The following CHN1 variants were observed in gnomAD, a reference collection of about 807,000 sequenced individuals.
The protein encoded by CHN1 is N-chimaerin.
A neutral mutation model predicts 59.5 loss-of-function variants in CHN1; 37 were observed. The observed-to-expected ratio is 0.62, with a 90% confidence interval of 0.48 to 0.82. CHN1 has a LOEUF of 0.82. Among genes scored for constraint, CHN1 ranks in the 40% least tolerant of loss-of-function variants. The pLI, the probability that CHN1 is intolerant of heterozygous loss-of-function variation, is 0.00. For synonymous variants in CHN1, 206 were observed against 200.4 expected (o/e 1.03, Z -0.24); for missense variants, 469 against 571.0 (o/e 0.82, Z 1.82).
intron 1 of CHN1, among the ~76,000 whole-genome samples, chr2:174,952,519 G>A (rs1023807809): frequency 6.6e-6 from 1 of 151,758 alleles, no homozygotes; most frequent in Non-Finnish European, 1.5e-5. Flanking sequence ...TGTTTCTTTG[G>A]GCTTAATGAT....
intron 6 of CHN1, chr2:174,875,774 T>C (rs1687547407): frequency 1.0e-6 from 1 of 977,686 alleles, no homozygotes; most frequent in Non-Finnish European, 1.2e-6. Context: ...TTAAACATGA[T>C]TGTCTTTACT....
chr2:174,914,249 G>C (rs1473147642), intron 5 of CHN1, among the ~76,000 whole-genome samples: 1 of 152,158 alleles, frequency 6.6e-6, no homozygotes, highest in Non-Finnish European at 1.5e-5. Flanking sequence ...TTGTATTATT[G>C]TTCTTACAAG....
chr2:174,901,812 A>T (rs1688396141), intron 5 of CHN1, among the ~76,000 whole-genome samples: 1 of 152,208 alleles, frequency 6.6e-6, no homozygotes. Flanking sequence ...CGTGGTAATA[A>T]AAACAAAGTT....
chr2:174,871,571 T>C (rs1484942049), intron 6 of CHN1, among the ~76,000 whole-genome samples: 1 of 152,184 alleles, frequency 6.6e-6, no homozygotes, highest in African/African-American at 2.4e-5. Context: ...CAGAATCTCA[T>C]ATTAATTTCT....
intron 3 of CHN1, among the ~76,000 whole-genome samples, chr2:174,923,416 A>G (rs1001368438): frequency 5.3e-5 from 8 of 152,226 alleles, no homozygotes; most frequent in African/African-American, 1.4e-4. Flanking sequence ...CTGGGATTAC[A>G]GGCGTGAGCC....
At chr2:174,851,284 C>G (rs1228419033) in intron 6 of CHN1, among the ~76,000 whole-genome samples, 3 of 151,980 alleles carry the variant, frequency 2.0e-5, no homozygotes, top group Non-Finnish European at 4.4e-5. Flanking sequence ...CTGATCCTGC[C>G]CATCCTTTTT....
intron 5 of CHN1, among the ~76,000 whole-genome samples, chr2:174,898,384 G>A (rs1375291388): frequency 1.3e-5 from 2 of 150,874 alleles, no homozygotes; most frequent in Admixed American, 6.6e-5. Flanking sequence ...GGCGGATCAC[G>A]AGGTCAGGAG....
intron 5 of CHN1, among the ~76,000 whole-genome samples, chr2:174,894,567 C>T (rs1688152842): frequency 6.9e-6 from 1 of 145,842 alleles, no homozygotes. Context: ...TATGGAGGTT[C>T]CTCACAAAAT....
chr2:174,975,656 A>C (rs1287529081), intron 1 of CHN1, among the ~76,000 whole-genome samples: 1 of 135,740 alleles, frequency 7.4e-6, no homozygotes, highest in African/African-American at 3.2e-5. Flanking sequence ...CAAAACAAAC[A>C]AAAAAAAAAA....
At chr2:174,996,575 G>C (rs181362892) in intron 1 of CHN1, among the ~76,000 whole-genome samples, 1 of 152,086 alleles carries the variant, frequency 6.6e-6, no homozygotes, top group Admixed American at 6.5e-5. Context: ...GCTGATCCTT[G>C]GCAGAGAAAG....
At chr2:174,892,290 G>C (rs897960079) in intron 5 of CHN1, among the ~76,000 whole-genome samples, 1 of 152,206 alleles carries the variant, frequency 6.6e-6, no homozygotes, top group Non-Finnish European at 1.5e-5. Flanking sequence ...CCAATGCAGT[G>C]GTATTAAGAG....
intron 5 of CHN1, among the ~76,000 whole-genome samples, chr2:174,882,260 C>G (rs952002016): frequency 2.6e-5 from 4 of 152,176 alleles, no homozygotes; most frequent in African/African-American, 9.6e-5. Flanking sequence ...ATGCCACTTT[C>G]TAGAAAGAAT....
chr2:174,820,971 C>T (rs1358179963), intron 8 of CHN1, among the ~76,000 whole-genome samples: 1 of 152,184 alleles, frequency 6.6e-6, no homozygotes, highest in African/African-American at 2.4e-5. Flanking sequence ...ACAAAGCAAG[C>T]TGTCTCAGGA....
intron 5 of CHN1, among the ~76,000 whole-genome samples, chr2:174,891,477 C>T (rs1274742697): frequency 3.4e-5 from 5 of 148,634 alleles, no homozygotes. Flanking sequence ...GGCTGAGGTA[C>T]AGAATTGCTC....
At position 174,882,485 on chromosome 2, in the gene CHN1, T is replaced by C. The variant is rs139496311; in HGVS notation, c.261-4357A>G. On this transcript the variant is annotated intron_variant, in intron 5 of 12. Coordinates refer to ENST00000409900, the MANE Select transcript of CHN1 (RefSeq NM_001822.7). ...GAAGAAAAAATGATGACAAAATATA[T>C]ACAGAATAGCTTTCGGAATTTTACT... Among the ~76,000 whole-genome samples the C allele has an allele frequency of 4.4e-3, 676 of 152,292 alleles. 6 individuals are homozygous for C. Among genetic ancestry groups the C allele is most frequent in the African/African-American group, 0.015 (636 of 41,570 alleles).
chr2:174,970,337 T>C (rs1481497907), intron 1 of CHN1, among the ~76,000 whole-genome samples: 1 of 152,188 alleles, frequency 6.6e-6, no homozygotes, highest in Non-Finnish European at 1.5e-5. Context: ...AAACTATGAC[T>C]AATCAGACTT....
intron 5 of CHN1, among the ~76,000 whole-genome samples, chr2:174,882,201 T>G (rs915080349): frequency 1.3e-5 from 2 of 152,230 alleles, no homozygotes; most frequent in Admixed American, 6.5e-5. Context: ...AGTGTTACTA[T>G]AGTAAACAAA....
At chr2:174,802,722 A>C (rs529585319) in intron 11 of CHN1, among the ~76,000 whole-genome samples, 17 of 152,180 alleles carry the variant, frequency 1.1e-4, no homozygotes, top group African/African-American at 4.1e-4. Context: ...TTCTACTCAA[A>C]GGTCAAAAGA....
At chr2:174,822,101 T>C (rs907790565) in intron 8 of CHN1, among the ~76,000 whole-genome samples, 2 of 152,222 alleles carry the variant, frequency 1.3e-5, no homozygotes, top group African/African-American at 4.8e-5. Flanking sequence ...ATATAATTAG[T>C]TGTCATAGAA....
Sources: allele counts gnomAD v4.1 joint callset (sites outside exome capture counted in the v4.1 genomes callset), GRCh38; gene constraint gnomAD v4.1.1; transcripts MANE v1.5; gene names NCBI Gene and HGNC (gene_info 2026-07-23, HGNC 2026-07-21).